SCARA5: variants seen among roughly 807,000 people sequenced by gnomAD.
SCARA5 encodes scavenger receptor class A, member 5 (putative).
A neutral mutation model predicts 46.3 loss-of-function variants in SCARA5; 45 were observed. The observed-to-expected ratio is 0.97, with a 90% CI of 0.76 to 1.24. SCARA5 has a LOEUF of 1.24. Ranked by LOEUF, SCARA5 falls within the 50% of genes most tolerant of loss-of-function variation. The pLI is 0.00. For missense variants in SCARA5, 680 were observed against 689.0 expected, an observed-to-expected ratio of 0.99 and a Z score of 0.15; for synonymous variants, 333 against 306.5, an observed-to-expected ratio of 1.09 and a Z score of -0.90.
At chr8:27,937,163 A>T (rs1214679102) in intron 3 of SCARA5, among the ~76,000 whole-genome samples, 1 of 152,220 alleles carries the variant, frequency 6.6e-6, no homozygotes. Context: ...AGTAGATAGT[A>T]GTGAAATACT....
chr8:27,937,113 C>G (rs1253710960), intron 3 of SCARA5, among the ~76,000 whole-genome samples: 1 of 152,214 alleles, frequency 6.6e-6, no homozygotes, highest in Non-Finnish European at 1.5e-5. Flanking sequence ...TTTTGAGTAA[C>G]ATAGCAGCTA....
At chr8:27,987,978 C>A (rs998301570) in intron 1 of SCARA5, among the ~76,000 whole-genome samples, 3 of 152,166 alleles carry the variant, frequency 2.0e-5, no homozygotes, top group African/African-American at 4.8e-5. Flanking sequence ...GAGGAGGGAA[C>A]CCTGCTGACT....
At chr8:27,954,652 G>A (rs1158746634) in intron 3 of SCARA5, among the ~76,000 whole-genome samples, 1 of 152,190 alleles carries the variant, frequency 6.6e-6, no homozygotes, top group Non-Finnish European at 1.5e-5. Context: ...ATGTGGTTGA[G>A]TTTTATACAT....
chr8:27,932,844 T>C (rs2685314), intron 3 of SCARA5, among the ~76,000 whole-genome samples: 51,496 of 152,104 alleles, frequency 0.34, 8,871 homozygotes, highest in East Asian at 0.37. Flanking sequence ...TTGGCCAGGG[T>C]GGGCTCGAAC....
chr8:27,933,640 G>A (rs1469482006), intron 3 of SCARA5, among the ~76,000 whole-genome samples: 1 of 151,848 alleles, frequency 6.6e-6, no homozygotes, highest in Admixed American at 6.6e-5. Context: ...TTTTTGGAAA[G>A]TAATTTGGCT....
chr8:27,981,260 A>G (rs1157754893), intron 2 of SCARA5, among the ~76,000 whole-genome samples: 2 of 152,200 alleles, frequency 1.3e-5, no homozygotes, highest in African/African-American at 4.8e-5. Context: ...GTTTCATAAA[A>G]GGAATGTCTC....
intron 7 of SCARA5, among the ~76,000 whole-genome samples, chr8:27,894,486 A>T (rs1220428080): frequency 1.3e-5 from 2 of 152,230 alleles, no homozygotes; most frequent in Non-Finnish European, 2.9e-5. Context: ...TCTTGACTGT[A>T]TCTGGGAAGC....
At chr8:27,891,835 G>T (rs150632147) in intron 7 of SCARA5, among the ~76,000 whole-genome samples, 1 of 152,280 alleles carries the variant, frequency 6.6e-6, no homozygotes, top group East Asian at 1.9e-4. Flanking sequence ...CATCGAGGTG[G>T]CATTCAGTTC....
intron 3 of SCARA5, among the ~76,000 whole-genome samples, chr8:27,927,866 G>A (rs1365169462): frequency 6.6e-6 from 1 of 152,124 alleles, no homozygotes; most frequent in South Asian, 2.1e-4. Flanking sequence ...ACTGCACTGA[G>A]TATTACAATT....
Position 27,871,597 on chromosome 8 carries a change from C to T in SCARA5, c.*337G>A, listed in dbSNP as rs984675229. ...GTCTCTGACACATTCTCAGCATTCA[C>T]CTGTAACTAAAAGGCCAAAGGGAAC... On this transcript the variant is annotated 3_prime_UTR_variant, in exon 9 of 9. Coordinates refer to ENST00000354914, the MANE Select transcript of SCARA5 (RefSeq NM_173833.6). The T allele has an allele frequency of 4.3e-6, 5 of 1,163,764 alleles. No individual in the cohort carries two copies. Among genetic ancestry groups the T allele is most frequent in the African/African-American group, 3.1e-5 (2 of 64,296 alleles). 72.1% of individuals were successfully genotyped at this position (1,163,764 alleles called of 1,614,324 possible).
intron 3 of SCARA5, among the ~76,000 whole-genome samples, chr8:27,962,111 G>A (rs1028259098): frequency 3.3e-5 from 5 of 152,158 alleles, no homozygotes; most frequent in East Asian, 1.9e-4. Context: ...GAGAGACCCC[G>A]AATGAAGCCA....
At chr8:27,876,847 G>A (rs959129305) in intron 8 of SCARA5, among the ~76,000 whole-genome samples, 5 of 152,142 alleles carry the variant, frequency 3.3e-5, no homozygotes, top group African/African-American at 9.7e-5. Flanking sequence ...GAGGCAGAGC[G>A]AGAGGGACCT....
rs539832183 is a variant in SCARA5, at chr8:27,930,228, G to A, written c.242-7983C>T. On this transcript the variant is annotated intron_variant, in intron 3 of 8. Transcript: ENST00000354914. ...GCAAGGTAATTGAATCATGGGGAAC[G>A]GTCTTTCTCGTGCTTTTCTCATGAC... Among the ~76,000 whole-genome samples the A allele has an allele frequency of 3.1e-4, 47 of 152,190 alleles. 1 individual carries two copies. The highest frequency in any genetic ancestry group is 1.0e-3 in the African/African-American group (43 of 41,512).
chr8:27,872,117 GAGA>G (rs1563508124), intron 8 of SCARA5, 47 bp from the exon 9 acceptor site: 1 of 1,600,292 alleles, frequency 6.2e-7, no homozygotes, highest in Non-Finnish European at 8.6e-7. Context: ...ACAGGAGGGC[GAGA>G]AGGAGAAGAG....
At chr8:27,953,412 G>A (rs1808161089) in intron 3 of SCARA5, among the ~76,000 whole-genome samples, 1 of 152,228 alleles carries the variant, frequency 6.6e-6, no homozygotes, top group East Asian at 1.9e-4. Context: ...CAGCCCCTCA[G>A]GTAGAGAGCT....
intron 3 of SCARA5, among the ~76,000 whole-genome samples, chr8:27,947,917 G>A (rs1808063736): frequency 6.6e-6 from 1 of 152,002 alleles, no homozygotes; most frequent in Admixed American, 6.6e-5. Context: ...ACTGATATGA[G>A]GTCCCCAAGA....
At chr8:27,932,162 T>C (rs1807784584) in intron 3 of SCARA5, among the ~76,000 whole-genome samples, 1 of 151,970 alleles carries the variant, frequency 6.6e-6, no homozygotes, top group East Asian at 1.9e-4. Flanking sequence ...GCATTTTGTG[T>C]AGAGATGGGG....
At chr8:27,957,473 A>G (rs1052009436) in intron 3 of SCARA5, among the ~76,000 whole-genome samples, 4 of 152,346 alleles carry the variant, frequency 2.6e-5, no homozygotes, top group Middle Eastern at 3.4e-3. Context: ...AGATGAGGAC[A>G]TTAAGGATCA....
chr8:27,900,145 A>C (rs1807127319), intron 7 of SCARA5, among the ~76,000 whole-genome samples: 1 of 152,106 alleles, frequency 6.6e-6, no homozygotes, highest in East Asian at 1.9e-4. Flanking sequence ...CTAAAAAAAA[A>C]AAACCAAAAA....
Sources: gnomAD v4.1 joint callset for allele counts (sites outside exome capture counted in the v4.1 genomes callset) on GRCh38, gnomAD v4.1.1 for gene constraint, MANE v1.5 for transcripts, NCBI Gene and HGNC (gene_info 2026-07-23, HGNC 2026-07-21) for gene names.